The following ADGRL3 variants were observed in gnomAD, a reference collection of about 807,000 sequenced individuals.
ADGRL3 encodes calcium-independent alpha-latrotoxin receptor 3.
Under a neutral mutation model 153.5 loss-of-function variants are expected in ADGRL3, and 62 were observed. The observed-to-expected ratio is 0.40, with a 90% CI of 0.33 to 0.50. The LOEUF (loss-of-function observed/expected upper bound fraction) is 0.50. Among genes scored for constraint, ADGRL3 ranks in the 20% least tolerant of loss-of-function variants. The pLI is 0.47. For synonymous variants in ADGRL3, 710 were observed against 672.5 expected, an observed-to-expected ratio of 1.06 and a Z score of -0.86; for missense variants, 1,641 against 1,859.4, an observed-to-expected ratio of 0.88 and a Z score of 2.16.
At chr4:61,672,979 A>G (rs1388389480) in intron 5 of ADGRL3, among the ~76,000 whole-genome samples, 2 of 152,020 alleles carry the variant, frequency 1.3e-5, no homozygotes, top group Non-Finnish European at 2.9e-5. Flanking sequence ...ACATAAATAT[A>G]TAATGGAATA....
At chr4:61,305,722 C>G (rs1161562270) in intron 1 of ADGRL3, among the ~76,000 whole-genome samples, 1 of 151,936 alleles carries the variant, frequency 6.6e-6, no homozygotes. Flanking sequence ...GCAGTTAAGG[C>G]TTTATTTGGT....
rs2150301925 is a variant in ADGRL3 at position 61,946,955 on chromosome 4, C to G, written c.2461C>G (p.Pro821Ala). The G allele has an allele frequency of 1.2e-6, 2 of 1,613,728 alleles. No homozygotes were observed. Among genetic ancestry groups the G allele is most frequent in the East Asian group, 4.5e-5 (2 of 44,840 alleles). ...VAFVLYNNLG[P>A]YLSTENASMK... is the part of the protein sequence containing the mutation. The stretch of plus-strand genomic sequence containing the variant: ...CTTTGTCCTGTATAACAACTTGGGT[C>G]CTTATTTATCCACGGAGAATGCCAG... Residue 821 changes from proline to alanine, a missense_variant, in exon 16 of 27, where the codon CCT (proline) becomes GCT (alanine). Pro to Ala is a conservative substitution (Grantham distance 27, BLOSUM62 -1). This residue lies in a region of ADGRL3 where 734 missense variants were observed against 797.0 expected (regional missense o/e 0.92). Transcript: ENST00000683033.
chr4:61,972,569 T>C (rs1404805867), intron 17 of ADGRL3, among the ~76,000 whole-genome samples: 1 of 152,206 alleles, frequency 6.6e-6, no homozygotes, highest in African/African-American at 2.4e-5. Context: ...AGCCTTGTAG[T>C]ATAGTTTGAA....
At chr4:61,908,989 A>G (rs1460409669) in intron 11 of ADGRL3, among the ~76,000 whole-genome samples, 7 of 152,192 alleles carry the variant, frequency 4.6e-5, no homozygotes, top group Non-Finnish European at 1.0e-4. Context: ...AGTTTCAGAG[A>G]AGAAAAATAC....
chr4:61,345,030 T>G (rs1332227993), intron 1 of ADGRL3, among the ~76,000 whole-genome samples: 5 of 151,534 alleles, frequency 3.3e-5, no homozygotes, highest in Middle Eastern at 3.2e-3. Flanking sequence ...ACTCCTGACC[T>G]CAGGTGATCC....
In ADGRL3 at chr4:61,538,351, C is replaced by T. The variant is rs146620523; in HGVS notation, c.259+20833C>T. Among the ~76,000 whole-genome samples the T allele has an allele frequency of 3.5e-4, 54 of 152,198 alleles. 1 individual carries two copies. Among genetic ancestry groups the T allele is most frequent in the African/African-American group, 1.3e-3 (52 of 41,540 alleles). ...GTGTGAGTTGACACACCATCTTCTG[C>T]GGGTCTGAGAGTGTGGAGGTCTTAG... On this transcript the variant is annotated intron_variant, in intron 4 of 26. Transcript: ENST00000683033.
chr4:61,823,288 T>C (rs2097771978), intron 9 of ADGRL3, among the ~76,000 whole-genome samples: 1 of 152,226 alleles, frequency 6.6e-6, no homozygotes, highest in African/African-American at 2.4e-5. Context: ...AATGTCTAAA[T>C]ATCACAAGTT....
chr4:61,826,087 C>G (rs2097797388), intron 9 of ADGRL3, among the ~76,000 whole-genome samples: 1 of 152,070 alleles, frequency 6.6e-6, no homozygotes, highest in South Asian at 2.1e-4. Context: ...GATTTTTGCC[C>G]TCATGGACTT....
intron 9 of ADGRL3, among the ~76,000 whole-genome samples, chr4:61,817,464 G>A (rs895119506): frequency 6.6e-6 from 1 of 152,128 alleles, no homozygotes; most frequent in African/African-American, 2.4e-5. Flanking sequence ...GGGATGACCT[G>A]CCTGCAGAAG....
chr4:61,713,216 T>C (rs988089693), intron 6 of ADGRL3, among the ~76,000 whole-genome samples: 1 of 152,148 alleles, frequency 6.6e-6, no homozygotes, highest in Non-Finnish European at 1.5e-5. Flanking sequence ...TATCTTGTGC[T>C]CATTTCCTGC....
chr4:61,537,095 A>G (rs9994639), intron 4 of ADGRL3, among the ~76,000 whole-genome samples: 32,319 of 151,548 alleles, frequency 0.21, 3,677 homozygotes, highest in Admixed American at 0.3. Flanking sequence ...AATTCTCTTA[A>G]CATTTGCTTG....
At chr4:61,587,839 A>T (rs2098952604) in intron 5 of ADGRL3, among the ~76,000 whole-genome samples, 1 of 152,152 alleles carries the variant, frequency 6.6e-6, no homozygotes, top group East Asian at 1.9e-4. Context: ...AAAAAGAAGT[A>T]AAAATTAATA....
At position 62,070,257 on chromosome 4, in the gene ADGRL3, C is replaced by T. The variant is rs368297982; in HGVS notation, c.3981C>T (p.Thr1327=). The T allele has an allele frequency of 5.5e-5, 89 of 1,607,992 alleles. No individual in the cohort carries two copies. The highest frequency in any genetic ancestry group is 3.3e-4 in the Middle Eastern group (2 of 6,078). ...IIDRGYNHNE[T]ALEKKILKEL... Reference sequence around the variant, plus strand: ...ACCGTGGCTATAACCATAACGAGACCGCCCTAGAGAAAAAGATTCTGAAGG... The same window carrying T: ...ACCGTGGCTATAACCATAACGAGACTGCCCTAGAGAAAAAGATTCTGAAGG... The change falls in exon 27 of 27, where the codon ACC becomes ACT. Residue 1327 remains threonine (T), a synonymous_variant. Coordinates refer to ENST00000683033, the MANE Select transcript of ADGRL3 (RefSeq NM_001387552.1).
intron 5 of ADGRL3, among the ~76,000 whole-genome samples, chr4:61,665,965 G>A (rs2094779337): frequency 6.6e-6 from 1 of 152,136 alleles, no homozygotes; most frequent in South Asian, 2.1e-4. Flanking sequence ...GCTATGCCAT[G>A]TCTGTTACAT....
intron 1 of ADGRL3, among the ~76,000 whole-genome samples, chr4:61,309,654 T>G (rs2094925747): frequency 6.6e-6 from 1 of 152,126 alleles, no homozygotes; most frequent in Non-Finnish European, 1.5e-5. Flanking sequence ...GTTTAGAGTC[T>G]TAATTTTTAG....
chr4:61,763,585 G>A (rs1383872061), intron 8 of ADGRL3, among the ~76,000 whole-genome samples: 1 of 151,930 alleles, frequency 6.6e-6, no homozygotes, highest in Admixed American at 6.6e-5. Flanking sequence ...ATTTCCTCAC[G>A]GTATAGTTTC....
intron 8 of ADGRL3, among the ~76,000 whole-genome samples, chr4:61,748,356 C>G (rs987532787): frequency 3.2e-4 from 49 of 151,994 alleles, no homozygotes; most frequent in African/African-American, 1.1e-3. Context: ...TGGAAAAAAA[C>G]TACTTTAAAG....
intron 5 of ADGRL3, among the ~76,000 whole-genome samples, chr4:61,590,986 T>G (rs968704690): frequency 1.3e-5 from 2 of 152,142 alleles, no homozygotes; most frequent in African/African-American, 4.8e-5. Context: ...ATATCATACG[T>G]GTACACCTCA....
Position 61,775,365 on chromosome 4 carries a change from G to C in ADGRL3, c.1400-38444G>C, listed in dbSNP as rs940803564. ...ACAAATTCAAGTTCCCAGTTTTACA[G>C]TAATGGAAAAGCTAAAATTTTCTTT... On this transcript the variant is annotated intron_variant, in intron 8 of 26. Transcript: ENST00000683033. The C allele has an allele frequency of 1.7e-5, 7 of 400,636 alleles. No homozygotes were observed. The Admixed American group carries it at 1.8e-4, about 10-fold the overall frequency. The allele number at this position is 400,636 out of a possible 1,614,324, so 24.8% of individuals were successfully genotyped here.
Sources: allele counts gnomAD v4.1 joint callset (sites outside exome capture counted in the v4.1 genomes callset), GRCh38; gene constraint gnomAD v4.1.1; regional missense constraint gnomAD v4.1.1; transcripts MANE v1.5; gene names NCBI Gene and HGNC (gene_info 2026-07-23, HGNC 2026-07-21).